Variants in METTL8 observed in about 807,000 individuals in gnomAD.
METTL8 encodes tRNA N(3)-cytidine methyltransferase METTL8, mitochondrial.
METTL8 carries 32 observed loss-of-function variants against 48.7 expected under a neutral mutation model. That is an observed-to-expected ratio of 0.66 (90% CI 0.50 to 0.88). The LOEUF is 0.88. METTL8 is among the 40% of genes least tolerant of loss of function. The probability of loss-of-function intolerance (pLI) is 0.00; values close to 1 mark genes in which losing one functional copy is unlikely to be tolerated. For missense variants in METTL8, 464 were observed against 474.4 expected, an observed-to-expected ratio of 0.98 and a Z score of 0.20; for synonymous variants, 136 against 157.1, an observed-to-expected ratio of 0.87 and a Z score of 1.01.
Position 171,413,126 on chromosome 2 carries a change from A to G in METTL8, c.-13+20757T>C, listed in dbSNP as rs369828340. Among the ~76,000 whole-genome samples, 8 of 152,364 alleles carry G rather than the reference A, an allele frequency of 5.3e-5. 1 individual carries two copies. Among genetic ancestry groups the G allele is most frequent in the African/African-American group, 1.9e-4 (8 of 41,596 alleles). ...ATCCAGTCAAAGTATAATACAAGAC[A>G]GACCAATGGATTTTAATGTAGCAGA... On this transcript the variant is annotated intron_variant, in intron 1 of 9. Coordinates refer to ENST00000375258, the MANE Select transcript of METTL8 (RefSeq NM_001321154.2).
At chr2:171,359,849 C>A (rs1414910402) in intron 3 of METTL8, among the ~76,000 whole-genome samples, 1 of 152,102 alleles carries the variant, frequency 6.6e-6, no homozygotes, top group Non-Finnish European at 1.5e-5. Context: ...CCTCGGCCAC[C>A]CAAAGTGCTG....
intron 4 of METTL8, among the ~76,000 whole-genome samples, chr2:171,338,228 A>G (rs565197275): frequency 6.6e-6 from 1 of 152,372 alleles, no homozygotes; most frequent in South Asian, 2.1e-4. Flanking sequence ...ACATAGTAAA[A>G]TATTTTGTAG....
intron 5 of METTL8, among the ~76,000 whole-genome samples, chr2:171,334,232 G>C (rs1394245765): frequency 6.6e-6 from 1 of 152,176 alleles, no homozygotes; most frequent in Non-Finnish European, 1.5e-5. Flanking sequence ...ATATAGAACA[G>C]TCTACGAGCT....
intron 2 of METTL8, among the ~76,000 whole-genome samples, chr2:171,370,179 A>T (rs1686171539): frequency 1.3e-5 from 2 of 152,146 alleles, no homozygotes; most frequent in Admixed American, 1.3e-4. Context: ...ACAAATATTA[A>T]TATACAATGC....
At chr2:171,347,556 A>G (rs1683409475) in intron 3 of METTL8, among the ~76,000 whole-genome samples, 1 of 152,226 alleles carries the variant, frequency 6.6e-6, no homozygotes, top group Admixed American at 6.5e-5. Context: ...GGTTTTTCAT[A>G]TTATCAGGAA....
chr2:171,432,170 C>T lies in METTL8; in HGVS notation c.-13+1713G>A, dbSNP rs1412219683. On this transcript the variant is annotated intron_variant, in intron 1 of 9. Coordinates refer to ENST00000375258, the MANE Select transcript of METTL8 (RefSeq NM_001321154.2). ...GGCACCTCCTGTGGCAAGCCCAGCC[C>T]GAGCAAGGCCTGGGTAGGTCTCCAG... Among the ~76,000 whole-genome samples the T allele has an allele frequency of 3.3e-5, 5 of 152,002 alleles. No individual in the cohort carries two copies. In the South Asian group the frequency reaches 8.3e-4, roughly 25 times the overall value.
intron 2 of METTL8, among the ~76,000 whole-genome samples, chr2:171,387,586 CAT>C (rs983721108): frequency 6.6e-6 from 1 of 150,786 alleles, no homozygotes; most frequent in African/African-American, 2.4e-5. Flanking sequence ...TATGTATGTG[CAT>C]ATATATATAA....
intron 6 of METTL8, 49 bp from the exon 7 acceptor site, chr2:171,330,747 C>A: frequency 6.8e-7 from 1 of 1,481,350 alleles, no homozygotes; most frequent in South Asian, 1.4e-5. Flanking sequence ...AGTAGACTTC[C>A]GGGATTTTTT....
intron 1 of METTL8, among the ~76,000 whole-genome samples, chr2:171,396,192 G>A (rs1689046396): frequency 6.6e-6 from 1 of 152,006 alleles, no homozygotes. Flanking sequence ...AACCCAGGAG[G>A]CGGAGGTTGC....
intron 5 of METTL8, among the ~76,000 whole-genome samples, chr2:171,336,123 G>T (rs1296744416): frequency 4.6e-5 from 7 of 151,494 alleles, no homozygotes; most frequent in Admixed American, 3.3e-4. Context: ...TTGAGACAAA[G>T]TTTCGCACTG....
chr2:171,350,662 G>A (rs891754962), intron 3 of METTL8, among the ~76,000 whole-genome samples: 2 of 152,136 alleles, frequency 1.3e-5, no homozygotes, highest in African/African-American at 4.8e-5. Flanking sequence ...ATTCTAACTG[G>A]TGTGAGATGG....
At chr2:171,340,937 T>C (rs1164940670) in intron 3 of METTL8, among the ~76,000 whole-genome samples, 2 of 152,186 alleles carry the variant, frequency 1.3e-5, no homozygotes, top group Non-Finnish European at 2.9e-5. Flanking sequence ...AAAACAAATA[T>C]GCATTTTATG....
At chr2:171,434,459 T>A, upstream of METTL8, 2 of 1,501,714 alleles carry the variant, frequency 1.3e-6, no homozygotes, top group Non-Finnish European at 1.8e-6. Flanking sequence ...CAGCTTTCCC[T>A]GGGCCCCGCC....
chr2:171,344,080 A>G (rs1244739526), intron 3 of METTL8, among the ~76,000 whole-genome samples: 1 of 152,226 alleles, frequency 6.6e-6, no homozygotes, highest in East Asian at 1.9e-4. Flanking sequence ...GGAGAAAAGA[A>G]ATCAGATAAT....
At chr2:171,360,586 C>T (rs1685060659) in intron 2 of METTL8, 73 bp from the exon 3 acceptor site, 6 of 1,268,400 alleles carry the variant, frequency 4.7e-6, no homozygotes, top group East Asian at 2.4e-5. Context: ...CAAGGAACCA[C>T]ATCTTTCATT....
intron 2 of METTL8, among the ~76,000 whole-genome samples, chr2:171,366,486 T>C (rs1233579845): frequency 6.6e-6 from 1 of 152,132 alleles, no homozygotes; most frequent in African/African-American, 2.4e-5. Context: ...GTCCACCATA[T>C]AATCAAAAAC....
At chr2:171,339,130 T>C in intron 4 of METTL8, 54 bp downstream of exon 4, 2 of 1,385,522 alleles carry the variant, frequency 1.4e-6, no homozygotes, top group Non-Finnish European at 1.9e-6. Flanking sequence ...TAATACAGAA[T>C]GTACATTTTC....
In METTL8 at chr2:171,319,459, T is replaced by C. The variant is rs73021055; in HGVS notation, c.*4713A>G. 2 of 152,384 alleles carry C rather than the reference T, an allele frequency of 1.3e-5. No homozygotes were observed. The highest frequency in any genetic ancestry group is 4.8e-5 in the African/African-American group (2 of 41,594). 9.4% of individuals were successfully genotyped at this position (152,384 alleles called of 1,614,324 possible). A position where few individuals can be genotyped will look rare whatever the true frequency, so the allele number is the denominator to read the frequency against. On this transcript the variant is annotated 3_prime_UTR_variant, in exon 10 of 10. Coordinates refer to ENST00000375258, the MANE Select transcript of METTL8 (RefSeq NM_001321154.2). The stretch of plus-strand genomic sequence containing the variant: ...CAGGACTTTGATGAGTTGGAAGTTT[T>C]GGGGTTTAACAATCCAGATGGTTCT...
chr2:171,354,019 T>C (rs1277477010), intron 3 of METTL8, among the ~76,000 whole-genome samples: 1 of 152,222 alleles, frequency 6.6e-6, no homozygotes, highest in African/African-American at 2.4e-5. Flanking sequence ...TAGCTGGTTA[T>C]TTTGCCCGTT....
Sources: allele counts gnomAD v4.1 joint callset (sites outside exome capture counted in the v4.1 genomes callset), GRCh38; gene constraint gnomAD v4.1.1; transcripts MANE v1.5; gene names NCBI Gene and HGNC (gene_info 2026-07-23, HGNC 2026-07-21).